DLGAP2: variants seen among roughly 807,000 people sequenced by gnomAD.
DLGAP2 encodes DLG associated protein 2.
A neutral mutation model predicts 100.3 loss-of-function variants in DLGAP2; 26 were observed. That is an observed-to-expected ratio of 0.26 (90% CI 0.19 to 0.36). The LOEUF is 0.36. DLGAP2 is among the 10% of genes least tolerant of loss of function. DLGAP2 has a pLI of 1.00. For synonymous variants in DLGAP2, 886 were observed against 630.1 expected, an observed-to-expected ratio of 1.41 and a Z score of -6.08; for missense variants, 1,858 against 1,453.2, an observed-to-expected ratio of 1.28 and a Z score of -4.53.
Position 1,341,993 on chromosome 8 carries a change from C to T in DLGAP2, c.106+83110C>T, listed in dbSNP as rs181255814. Among the ~76,000 whole-genome samples the T allele has an allele frequency of 7.9e-5, 12 of 152,252 alleles. No individual in the cohort carries two copies. The East Asian group carries it at 1.2e-3, about 15-fold the overall frequency. ...TGAGACGGCATCTCTCTCTGTCACC[C>T]GGGCTGGAGTGCAATGGTGTGATCT... On this transcript the variant is annotated intron_variant, in intron 3 of 14. Coordinates refer to ENST00000637795, the MANE Select transcript of DLGAP2 (RefSeq NM_001346810.2).
chr8:1,668,263 A>G, intron 8 of DLGAP2, 66 bp from the exon 9 acceptor site: 1 of 1,396,976 alleles, frequency 7.2e-7, no homozygotes, highest in Non-Finnish European at 9.5e-7. Context: ...GGGCGTGGGG[A>G]AACAGTAGAC....
rs570408286 is a variant in DLGAP2 at position 1,444,160 on chromosome 8, A to C, written c.107-57206A>C. Among the ~76,000 whole-genome samples, 3 of 152,154 alleles carry C rather than the reference A, an allele frequency of 2.0e-5. No individual in the cohort carries two copies. The South Asian group carries it at 6.2e-4, about 32-fold the overall frequency. ...GAGTGCAGTGGCGCGATCATAGCTC[A>C]CTACAGCCTTGAACTCCTGGCCTCA... On this transcript the variant is annotated intron_variant, in intron 3 of 14. Coordinates refer to ENST00000637795, the MANE Select transcript of DLGAP2 (RefSeq NM_001346810.2).
intron 1 of DLGAP2, among the ~76,000 whole-genome samples, chr8:844,848 G>A (rs540892101): frequency 1.3e-5 from 2 of 152,000 alleles, no homozygotes; most frequent in Admixed American, 1.3e-4. Context: ...CTCCTCCCCA[G>A]GCCAGGCCTG....
At chr8:1,133,461 G>T (rs982277807) in intron 2 of DLGAP2, among the ~76,000 whole-genome samples, 5 of 152,076 alleles carry the variant, frequency 3.3e-5, no homozygotes, top group African/African-American at 1.2e-4. Context: ...TTTTAGAAGG[G>T]ACTTAGAATG....
At chr8:1,081,688 T>TTA (rs1401010353) in intron 2 of DLGAP2, among the ~76,000 whole-genome samples, 3 of 152,228 alleles carry the variant, frequency 2.0e-5, no homozygotes, top group Non-Finnish European at 2.9e-5. Context: ...GTTCCTTTTC[T>TTA]TATTAATTCC....
intron 3 of DLGAP2, among the ~76,000 whole-genome samples, chr8:1,499,223 C>T (rs955373688): frequency 4.6e-5 from 7 of 152,236 alleles, no homozygotes; most frequent in Admixed American, 3.3e-4. Flanking sequence ...TTGCTAAACT[C>T]CATGCCTGTT....
At chr8:1,649,803 A>G (rs996991585) in intron 8 of DLGAP2, among the ~76,000 whole-genome samples, 2 of 152,218 alleles carry the variant, frequency 1.3e-5, no homozygotes, top group African/African-American at 4.8e-5. Flanking sequence ...TGAAAATCCC[A>G]GTGGATTCAT....
In DLGAP2 at chr8:1,483,506, GACAAGGGAAGGC is replaced by G. The variant is rs1179656438; in HGVS notation, c.107-17859_107-17848del. 6.0e-4 allele frequency among the ~76,000 whole-genome samples: 87 copies of G among 144,358 alleles called. 3 individuals are homozygous for G. Among genetic ancestry groups the G allele is most frequent in the African/African-American group, 2.4e-3 (84 of 35,348 alleles). The allele number at this position is 144,358 out of a possible 152,430, so 94.7% of individuals were successfully genotyped here. A position where few individuals can be genotyped will look rare whatever the true frequency, so the allele number is the denominator to read the frequency against. Reference sequence around the variant, plus strand: ...CAGGGAGGCAGGCGCAGAACGTGAGGACAAGGGAAGGCTGAACTGCTGTGCAAGAGGCTCAGG... The same window carrying G: ...CAGGGAGGCAGGCGCAGAACGTGAGGTGAACTGCTGTGCAAGAGGCTCAGG... On this transcript the variant is annotated intron_variant, in intron 3 of 14. Transcript: ENST00000637795.
At chr8:1,019,549 C>T (rs1584982198) in intron 2 of DLGAP2, 1 of 151,936 alleles carries the variant, frequency 6.6e-6, no homozygotes, top group East Asian at 1.9e-4. Flanking sequence ...CACCGTCTGT[C>T]GTCATCTGGT....
chr8:1,318,444 G>A (rs925730257), intron 3 of DLGAP2, among the ~76,000 whole-genome samples: 5 of 150,054 alleles, frequency 3.3e-5, no homozygotes, highest in African/African-American at 7.4e-5. Flanking sequence ...TCGTTTCTTC[G>A]TATCTAGTAT....
intron 2 of DLGAP2, among the ~76,000 whole-genome samples, chr8:908,222 G>A (rs1027951652): frequency 2.0e-5 from 3 of 152,052 alleles, no homozygotes; most frequent in East Asian, 1.9e-4. Context: ...TGTTGTCCTG[G>A]GTTTTTAAGG....
rs556103387 is a variant in DLGAP2 at position 915,883 on chromosome 8, C to T, written c.73+7917C>T. On this transcript the variant is annotated intron_variant, in intron 2 of 14. Coordinates refer to ENST00000637795, the MANE Select transcript of DLGAP2 (RefSeq NM_001346810.2). ...ACCCGTCCGTCCATCTGTCCCAGGG[C>T]ATGGTTTCCGTGTGTGTTAACCATG... 5.3e-5 allele frequency among the ~76,000 whole-genome samples: 8 copies of T among 150,408 alleles called. No individual in the cohort carries two copies. The South Asian group carries it at 1.7e-3, about 32-fold the overall frequency.
chr8:775,865 A>G, intron 1 of DLGAP2, among the ~76,000 whole-genome samples: 1 of 146,984 alleles, frequency 6.8e-6, no homozygotes, highest in East Asian at 2.0e-4. Flanking sequence ...CTGGCCTCAT[A>G]AAATGAGTTA....
At chr8:1,449,047 C>T (rs570381113) in intron 3 of DLGAP2, among the ~76,000 whole-genome samples, 6 of 152,216 alleles carry the variant, frequency 3.9e-5, no homozygotes, top group South Asian at 2.1e-4. Flanking sequence ...GGGTCAGGGA[C>T]GGCACATCCC....
chr8:1,280,843 C>G (rs1384969539), intron 3 of DLGAP2, among the ~76,000 whole-genome samples: 3 of 152,168 alleles, frequency 2.0e-5, no homozygotes, highest in African/African-American at 7.2e-5. Context: ...ATAGGCCATC[C>G]TAGGGCTTAG....
chr8:1,559,320 T>C (rs912009840), intron 5 of DLGAP2, among the ~76,000 whole-genome samples: 2 of 152,198 alleles, frequency 1.3e-5, no homozygotes, highest in African/African-American at 4.8e-5. Context: ...GAGCGTGCAC[T>C]AGGCCACCCT....
chr8:1,468,039 G>A (rs967920601), intron 3 of DLGAP2, among the ~76,000 whole-genome samples: 1 of 152,220 alleles, frequency 6.6e-6, no homozygotes, highest in Non-Finnish European at 1.5e-5. Context: ...CAAAGTGGGG[G>A]CGCTGTGGCT....
chr8:1,146,634 T>C (rs1489958020), intron 2 of DLGAP2, among the ~76,000 whole-genome samples: 4 of 151,992 alleles, frequency 2.6e-5, no homozygotes. Context: ...CATGCATGTG[T>C]GTGCATGTGA....
At chr8:863,446 C>A (rs1797430773) in intron 1 of DLGAP2, among the ~76,000 whole-genome samples, 1 of 152,216 alleles carries the variant, frequency 6.6e-6, no homozygotes, top group East Asian at 1.9e-4. Flanking sequence ...ACAGATACAG[C>A]ACCTTGTTGT....
Sources: allele counts gnomAD v4.1 joint callset (sites outside exome capture counted in the v4.1 genomes callset), GRCh38; gene constraint gnomAD v4.1.1; transcripts MANE v1.5; gene names NCBI Gene and HGNC (gene_info 2026-07-23, HGNC 2026-07-21).